Variants in GLI2 observed in about 807,000 individuals in gnomAD.
GLI2 encodes the protein GLI family zinc finger 2.
In GLI2, 22 loss-of-function variants were observed where a neutral mutation model predicts 78.9. The ratio of observed to expected loss-of-function variants is 0.28; its 90% CI spans 0.20 to 0.40. The LOEUF is 0.40. Ranked by LOEUF, GLI2 falls within the 10% of genes least tolerant of loss-of-function variation. The pLI is 1.00. For missense variants in GLI2, 2,097 were observed against 2,213.2 expected (o/e 0.95, Z 1.05); for synonymous variants, 974 against 963.7 (o/e 1.01, Z -0.20).
At chr2:120,887,207 C>A (rs1677454646) in intron 2 of GLI2, among the ~76,000 whole-genome samples, 1 of 152,184 alleles carries the variant, frequency 6.6e-6, no homozygotes, top group African/African-American at 2.4e-5. Context: ...CAGAGCACCC[C>A]CCGCCCACAA....
chr2:120,891,503 GGTAA>G (rs772347722), intron 2 of GLI2, among the ~76,000 whole-genome samples: 8 of 152,130 alleles, frequency 5.3e-5, no homozygotes, highest in Admixed American at 1.3e-4. Context: ...GTGAATGCTG[GGTAA>G]GTGTTTGATA....
Position 120,814,536 on chromosome 2 carries a change from C to G in GLI2, c.148+17068C>G, listed in dbSNP as rs796987023. On this transcript the variant is annotated intron_variant, in intron 2 of 13. Transcript: ENST00000361492. The stretch of plus-strand genomic sequence containing the variant: ...GTGGAGCAGGGGTCCCATCCTCCGG[C>G]TACAGACTGGCACCAGTCCATGCCC... Among the ~76,000 whole-genome samples, 23 of 152,308 alleles carry G rather than the reference C, an allele frequency of 1.5e-4. 1 individual carries two copies. The highest frequency in any genetic ancestry group is 5.5e-4 in the African/African-American group (23 of 41,570).
At chr2:120,889,882 G>C (rs184890225) in intron 2 of GLI2, among the ~76,000 whole-genome samples, 2 of 152,188 alleles carry the variant, frequency 1.3e-5, no homozygotes, top group African/African-American at 2.4e-5. Context: ...AGACGGTACA[G>C]CCTCTCTAGA....
At chr2:120,749,699 G>A (rs1030498829) in intron 1 of GLI2, among the ~76,000 whole-genome samples, 1 of 152,240 alleles carries the variant, frequency 6.6e-6, no homozygotes, top group African/African-American at 2.4e-5. Flanking sequence ...ACAGAGGGTT[G>A]TATTTGGAGT....
intron 5 of GLI2, among the ~76,000 whole-genome samples, chr2:120,962,268 C>G (rs1325052989): frequency 6.6e-6 from 1 of 152,200 alleles, no homozygotes; most frequent in Non-Finnish European, 1.5e-5. Flanking sequence ...AAACAATGAT[C>G]TCCCTCCTGA....
intron 2 of GLI2, among the ~76,000 whole-genome samples, chr2:120,903,611 G>T (rs1678369960): frequency 6.6e-6 from 1 of 152,238 alleles, no homozygotes; most frequent in Non-Finnish European, 1.5e-5. Context: ...CTTGGAGTCA[G>T]ACTTAGCTCG....
intron 5 of GLI2, among the ~76,000 whole-genome samples, chr2:120,965,291 G>A (rs2105001358): frequency 6.6e-6 from 1 of 150,736 alleles, no homozygotes; most frequent in Admixed American, 6.6e-5. Flanking sequence ...CAGCCGGGAT[G>A]CAGATGCTGT....
At chr2:120,972,664 G>T (rs763783683) in intron 8 of GLI2, 1 of 518,968 alleles carries the variant, frequency 1.9e-6, no homozygotes, top group Non-Finnish European at 3.8e-6. Context: ...TGCCACCAGG[G>T]TTTGTGCAAG....
intron 1 of GLI2, among the ~76,000 whole-genome samples, chr2:120,739,672 C>T (rs1326793037): frequency 6.6e-6 from 1 of 152,342 alleles, no homozygotes. Flanking sequence ...TCCCGCTGGG[C>T]CAGGGCCCTT....
intron 5 of GLI2, among the ~76,000 whole-genome samples, chr2:120,959,984 A>C (rs568514844): frequency 1.3e-5 from 2 of 152,290 alleles, no homozygotes; most frequent in East Asian, 3.9e-4. Context: ...GTGCAGGCGC[A>C]GGGGGCCTGG....
intron 1 of GLI2, among the ~76,000 whole-genome samples, chr2:120,757,197 T>C (rs1683057433): frequency 1.3e-5 from 2 of 148,562 alleles, no homozygotes; most frequent in South Asian, 2.2e-4. Context: ...TTTTGATTGA[T>C]GTTTATTTTC....
At chr2:120,904,354 G>A (rs1678411215) in intron 2 of GLI2, among the ~76,000 whole-genome samples, 1 of 152,188 alleles carries the variant, frequency 6.6e-6, no homozygotes, top group Non-Finnish European at 1.5e-5. Context: ...CCCAGGACCA[G>A]TCTTCACCCA....
chr2:120,834,450 C>A (rs1686512161), intron 2 of GLI2, among the ~76,000 whole-genome samples: 1 of 152,112 alleles, frequency 6.6e-6, no homozygotes, highest in Non-Finnish European at 1.5e-5. Flanking sequence ...TGTGGCCTCC[C>A]AGAGTGTAGA....
chr2:120,870,200 AC>A (rs1688357920), intron 2 of GLI2, among the ~76,000 whole-genome samples: 1 of 152,088 alleles, frequency 6.6e-6, no homozygotes, highest in Non-Finnish European at 1.5e-5. Context: ...TTCCTCCTGT[AC>A]GCTGAGCTGT....
rs995090804 is a variant in GLI2 at position 120,826,947 on chromosome 2, C to T, written c.148+29479C>T. ...GCCACATCTCCCCACACCCCAGCCACGCATAACCACTGGCGGCTCCCGGGA... is the reference window on the plus strand; with the variant it reads ...GCCACATCTCCCCACACCCCAGCCATGCATAACCACTGGCGGCTCCCGGGA... On this transcript the variant is annotated intron_variant, in intron 2 of 13. Coordinates refer to ENST00000361492, the MANE Select transcript of GLI2 (RefSeq NM_001374353.1). Among the ~76,000 whole-genome samples, 4 of 152,216 alleles carry T rather than the reference C, an allele frequency of 2.6e-5. No homozygotes were observed. In the East Asian group the frequency reaches 5.8e-4, roughly 22 times the overall value.
chr2:120,895,645 A>G (rs1341115966), intron 2 of GLI2, among the ~76,000 whole-genome samples: 2 of 152,134 alleles, frequency 1.3e-5, no homozygotes, highest in South Asian at 2.1e-4. Flanking sequence ...GAAGGCTACA[A>G]TGAACTGAGA....
intron 2 of GLI2, among the ~76,000 whole-genome samples, chr2:120,804,834 G>A (rs187030455): frequency 1.8e-4 from 28 of 152,298 alleles, no homozygotes; most frequent in Admixed American, 1.8e-3. Context: ...CGCCTGGGGC[G>A]GGAGCATGAG....
At chr2:120,806,861 G>A (rs925609750) in intron 2 of GLI2, among the ~76,000 whole-genome samples, 1 of 152,242 alleles carries the variant, frequency 6.6e-6, no homozygotes, top group Non-Finnish European at 1.5e-5. Flanking sequence ...GGGGGAAGAT[G>A]CATTTAAGAA....
At chr2:120,781,166 C>T (rs1683837153) in intron 1 of GLI2, among the ~76,000 whole-genome samples, 2 of 152,234 alleles carry the variant, frequency 1.3e-5, no homozygotes, top group South Asian at 4.1e-4. Context: ...ATGCCCCTGG[C>T]CTGCAGTTGC....
Sources: allele counts gnomAD v4.1 joint callset (sites outside exome capture counted in the v4.1 genomes callset), GRCh38; gene constraint gnomAD v4.1.1; transcripts MANE v1.5; gene names NCBI Gene and HGNC (gene_info 2026-07-23, HGNC 2026-07-21).